Variants in PRKN observed in about 807,000 individuals in gnomAD.
The protein encoded by PRKN is parkin RBR E3 ubiquitin protein ligase.
In PRKN, 56 loss-of-function variants were observed where a neutral mutation model predicts 59.5. The ratio of observed to expected loss-of-function variants is 0.94; its 90% CI spans 0.76 to 1.18. The LOEUF is 1.18. PRKN is among the 50% of genes most tolerant of loss of function. The pLI is 0.00. For missense variants in PRKN, 657 were observed against 596.4 expected (o/e 1.10, Z -1.06); for synonymous variants, 250 against 222.1 (o/e 1.13, Z -1.12).
intron 7 of PRKN, among the ~76,000 whole-genome samples, chr6:161,654,858 A>T (rs1185237857): frequency 1.3e-5 from 2 of 152,208 alleles, no homozygotes; most frequent in Non-Finnish European, 2.9e-5. Context: ...CTTTCAGAAG[A>T]GACAAGGGTG....
chr6:161,624,736 A>C (rs1215619147), intron 7 of PRKN, among the ~76,000 whole-genome samples: 1 of 152,254 alleles, frequency 6.6e-6, no homozygotes, highest in Non-Finnish European at 1.5e-5. Context: ...ATGGACACAC[A>C]CATTCTACTA....
chr6:162,555,951 A>G (rs1262011311), intron 1 of PRKN, among the ~76,000 whole-genome samples: 1 of 147,270 alleles, frequency 6.8e-6, no homozygotes, highest in Admixed American at 6.9e-5. Flanking sequence ...AAATGGCTCC[A>G]GCCTGGGCAA....
chr6:161,985,413 C>A (rs1781399677), intron 5 of PRKN, among the ~76,000 whole-genome samples: 1 of 152,136 alleles, frequency 6.6e-6, no homozygotes, highest in African/African-American at 2.4e-5. Context: ...TAATCTCCCA[C>A]CACCGAGTGT....
rs992899048 is a variant in PRKN at position 161,562,516 on chromosome 6, T to G, written c.933+6839A>C. Among the ~76,000 whole-genome samples the G allele has an allele frequency of 5.3e-5, 8 of 152,194 alleles. No homozygotes were observed. The East Asian group carries it at 1.5e-3, about 29-fold the overall frequency. On this transcript the variant is annotated intron_variant, in intron 8 of 11. Coordinates refer to ENST00000366898, the MANE Select transcript of PRKN (RefSeq NM_004562.3). This position sits in a 1 kb window ranked among gnomAD's most constrained non-coding sequence, Gnocchi z 4.3. ...TGGGTTTAAAATTTCCTCTACATGCTGGTAATTCCAAAGTTATCTCTCCAT... is the reference window on the plus strand; with the variant it reads ...TGGGTTTAAAATTTCCTCTACATGCGGGTAATTCCAAAGTTATCTCTCCAT...
intron 1 of PRKN, among the ~76,000 whole-genome samples, chr6:162,587,200 A>C (rs34228197): frequency 6.6e-6 from 1 of 152,102 alleles, no homozygotes; most frequent in Non-Finnish European, 1.5e-5. Flanking sequence ...ACAGTGGCGC[A>C]ATCTCGGCTC....
intron 4 of PRKN, among the ~76,000 whole-genome samples, chr6:162,059,986 C>T (rs571220214): frequency 6.6e-6 from 1 of 152,250 alleles, no homozygotes; most frequent in East Asian, 1.9e-4. Context: ...TGGCATATAG[C>T]CACATAAAGC....
chr6:162,548,275 T>A (rs1282614364), intron 1 of PRKN, among the ~76,000 whole-genome samples: 1 of 151,946 alleles, frequency 6.6e-6, no homozygotes, highest in Non-Finnish European at 1.5e-5. Context: ...GCCAGGATGA[T>A]CTCAATCTCT....
Position 162,341,180 on chromosome 6 carries a change from A to G in PRKN, c.172-78415T>C, listed in dbSNP as rs191158588. Among the ~76,000 whole-genome samples the G allele has an allele frequency of 3.9e-4, 59 of 152,346 alleles. No homozygotes were observed. The South Asian group carries it at 4.1e-3, about 11-fold the overall frequency. On this transcript the variant is annotated intron_variant, in intron 2 of 11. Transcript: ENST00000366898. Reference sequence around the variant, plus strand: ...AAAGCTCATCATCACTGGTCATTAGAGAAATGCAAATCAAAACCACAGTGA... The same window carrying G: ...AAAGCTCATCATCACTGGTCATTAGGGAAATGCAAATCAAAACCACAGTGA...
intron 1 of PRKN, among the ~76,000 whole-genome samples, chr6:162,640,152 G>A (rs534458878): frequency 1.3e-5 from 2 of 152,074 alleles, no homozygotes; most frequent in Non-Finnish European, 2.9e-5. Context: ...TGCCAAGCCA[G>A]GGTTCTTGGG....
intron 4 of PRKN, among the ~76,000 whole-genome samples, chr6:162,131,306 A>G (rs1400110458): frequency 6.6e-6 from 1 of 152,246 alleles, no homozygotes; most frequent in African/African-American, 2.4e-5. Context: ...AATAACATCT[A>G]AAATACCAAC....
intron 1 of PRKN, among the ~76,000 whole-genome samples, chr6:162,671,272 G>T (rs770677658): frequency 7.2e-5 from 11 of 152,086 alleles, no homozygotes; most frequent in Non-Finnish European, 1.0e-4. Flanking sequence ...AGGCCGAGGC[G>T]GGTGGATCAC....
intron 1 of PRKN, among the ~76,000 whole-genome samples, chr6:162,662,859 T>C (rs1011703685): frequency 1.2e-4 from 19 of 152,172 alleles, no homozygotes; most frequent in Admixed American, 6.5e-5. Context: ...GGTAATGTGA[T>C]ATGAGGTAGG....
At position 161,767,438 on chromosome 6, in the gene PRKN, G is replaced by A. The variant is rs975471796; in HGVS notation, c.871+18334C>T. Among the ~76,000 whole-genome samples the A allele has an allele frequency of 5.3e-5, 8 of 151,610 alleles. No individual in the cohort carries two copies. The East Asian group carries it at 1.2e-3, about 22-fold the overall frequency. On this transcript the variant is annotated intron_variant, in intron 7 of 11. Transcript: ENST00000366898. Reference sequence around the variant, plus strand: ...AGGCTGAAGCAGGAGAATGGCGTGAGCCCGGGAGGCGGAGCTTGCAGTGAG... The same window carrying A: ...AGGCTGAAGCAGGAGAATGGCGTGAACCCGGGAGGCGGAGCTTGCAGTGAG...
intron 2 of PRKN, among the ~76,000 whole-genome samples, chr6:162,288,243 C>T (rs1253433965): frequency 2.0e-5 from 3 of 152,160 alleles, no homozygotes; most frequent in African/African-American, 4.8e-5. Flanking sequence ...AGAGGAAAAA[C>T]ATCCATTCTG....
Position 161,630,018 on chromosome 6 carries a change from C to G in PRKN, c.872-60602G>C, listed in dbSNP as rs575534039. On this transcript the variant is annotated intron_variant, in intron 7 of 11. Transcript: ENST00000366898. Reference sequence around the variant, plus strand: ...AAGCTTTGGTGCACCCTGAGTTGAGCTGTGTCAATGAGCTCACATAGCGTT... The same window carrying G: ...AAGCTTTGGTGCACCCTGAGTTGAGGTGTGTCAATGAGCTCACATAGCGTT... Among the ~76,000 whole-genome samples, 3 of 152,318 alleles carry G rather than the reference C, an allele frequency of 2.0e-5. No individual in the cohort carries two copies. In the South Asian group the frequency reaches 6.2e-4, roughly 32 times the overall value.
chr6:161,749,571 C>T (rs1244652217), intron 7 of PRKN, among the ~76,000 whole-genome samples: 1 of 152,080 alleles, frequency 6.6e-6, no homozygotes, highest in Non-Finnish European at 1.5e-5. Context: ...CTGGGTTTTG[C>T]TGGCTCTCTT....
At chr6:161,695,439 G>T (rs1785979119) in intron 7 of PRKN, among the ~76,000 whole-genome samples, 1 of 152,124 alleles carries the variant, frequency 6.6e-6, no homozygotes. Flanking sequence ...TGGTGTACTA[G>T]TAACCACCCT....
At chr6:161,981,963 A>G (rs531004810) in intron 5 of PRKN, among the ~76,000 whole-genome samples, 80 of 152,330 alleles carry the variant, frequency 5.3e-4, no homozygotes, top group African/African-American at 1.9e-3. Flanking sequence ...CACACAAAGC[A>G]AAACCATGTC....
intron 1 of PRKN, among the ~76,000 whole-genome samples, chr6:162,593,367 C>A (rs777147414): frequency 6.6e-6 from 1 of 152,146 alleles, no homozygotes; most frequent in East Asian, 1.9e-4. Context: ...TTGAAAAGAA[C>A]CTGAGAAGCC....
Sources: gnomAD v4.1 joint callset for allele counts (sites outside exome capture counted in the v4.1 genomes callset) on GRCh38, gnomAD v4.1.1 for gene constraint, Gnocchi (gnomAD v3.1) non-coding constraint, MANE v1.5 for transcripts, NCBI Gene and HGNC (gene_info 2026-07-23, HGNC 2026-07-21) for gene names.